Variants in NRP1 observed in about 807,000 individuals in gnomAD.
NRP1 encodes neuropilin-1.
Under a neutral mutation model 106.7 loss-of-function variants are expected in NRP1, and 35 were observed. The observed-to-expected ratio is 0.33, with a 90% CI of 0.25 to 0.43. NRP1 has a LOEUF of 0.43. Ranked by LOEUF, NRP1 falls within the 20% of genes least tolerant of loss-of-function variation. The pLI, the probability that NRP1 is intolerant of heterozygous loss-of-function variation, is 1.00. For missense variants in NRP1, 1,024 were observed against 1,170.4 expected (o/e 0.87, Z 1.83); for synonymous variants, 437 against 417.9 (o/e 1.05, Z -0.56).
intron 2 of NRP1, among the ~76,000 whole-genome samples, chr10:33,326,350 ATG>A (rs1847888615): frequency 6.6e-6 from 1 of 152,198 alleles, no homozygotes. Flanking sequence ...TGCAATGAAC[ATG>A]TGTTTCCGAA....
At chr10:33,322,793 A>G (rs1847612667) in intron 2 of NRP1, among the ~76,000 whole-genome samples, 1 of 152,232 alleles carries the variant, frequency 6.6e-6, no homozygotes. Flanking sequence ...CTTCCTCAGA[A>G]TTAGTTGGTT....
intron 8 of NRP1, among the ~76,000 whole-genome samples, chr10:33,216,820 G>A (rs748767942): frequency 2.6e-5 from 4 of 151,910 alleles, no homozygotes; most frequent in Admixed American, 6.6e-5. Context: ...TTGAGGACAC[G>A]AACTAAGTCA....
intron 11 of NRP1, among the ~76,000 whole-genome samples, chr10:33,200,079 G>T (rs1837161531): frequency 6.6e-6 from 1 of 152,194 alleles, no homozygotes; most frequent in Non-Finnish European, 1.5e-5. Context: ...ATGTATTATG[G>T]GTTAAGAAGG....
intron 1 of NRP1, among the ~76,000 whole-genome samples, chr10:33,333,561 T>C (rs1407643667): frequency 6.6e-6 from 1 of 152,242 alleles, no homozygotes; most frequent in Non-Finnish European, 1.5e-5. Context: ...TACCCTTGCC[T>C]GCACTTACTT....
chr10:33,251,517 G>A (rs1841856165), intron 6 of NRP1, among the ~76,000 whole-genome samples: 2 of 152,292 alleles, frequency 1.3e-5, no homozygotes, highest in South Asian at 4.1e-4. Flanking sequence ...CATGGCATAA[G>A]CAAGAAGAAA....
At chr10:33,218,805 T>C (rs1447920328) in intron 8 of NRP1, among the ~76,000 whole-genome samples, 1 of 151,984 alleles carries the variant, frequency 6.6e-6, no homozygotes, top group African/African-American at 2.4e-5. Context: ...CTCAGCAGGG[T>C]GAAAATTTGA....
At chr10:33,181,321 C>T (rs1016380786) in intron 16 of NRP1, among the ~76,000 whole-genome samples, 12 of 152,230 alleles carry the variant, frequency 7.9e-5, no homozygotes, top group African/African-American at 2.9e-4. Flanking sequence ...TACTCTCTCC[C>T]TTGATGAAAT....
chr10:33,253,420 T>C (rs1442962007), intron 6 of NRP1, among the ~76,000 whole-genome samples: 2 of 152,158 alleles, frequency 1.3e-5, no homozygotes, highest in Non-Finnish European at 2.9e-5. Context: ...GCATCACTAA[T>C]GAAGACACAA....
intron 2 of NRP1, among the ~76,000 whole-genome samples, chr10:33,282,467 G>T (rs921965568): frequency 6.6e-6 from 1 of 152,026 alleles, no homozygotes; most frequent in East Asian, 1.9e-4. Context: ...TTATTCAGTG[G>T]GGATCTAGGT....
chr10:33,197,485 A>T, intron 12 of NRP1, 165 bp downstream of exon 12: 1 of 481,240 alleles, frequency 2.1e-6, no homozygotes, highest in Non-Finnish European at 3.7e-6. Context: ...TGCTGCATAT[A>T]CATGTGGATG....
In NRP1 at chr10:33,254,150, G is replaced by T. The variant is rs751394461; in HGVS notation, c.859C>A (p.His287Asn). The change falls in exon 6 of 17, where the codon CAT becomes AAT. Residue 287 changes from histidine (H) to asparagine (N), a missense_variant. By Grantham distance (68) the His-to-Asn change is moderately conservative. Around this residue, in one of 5 missense-constraint regions of NRP1, gnomAD observed 562 missense variants for 620.3 expected, o/e 0.91. Transcript: ENST00000374867. The part of the protein sequence containing the change: ...EALGMESGEI[H>N]SDQITASSQY... ...GAAGAAGCTGTGATCTGGTCAGAATGAATTTCTCCTGATTCCATGCCCAGA... is the reference window on the plus strand; with the variant it reads ...GAAGAAGCTGTGATCTGGTCAGAATTAATTTCTCCTGATTCCATGCCCAGA... 10 of 1,613,476 alleles carry T rather than the reference G, an allele frequency of 6.2e-6. No individual in the cohort carries two copies. The South Asian group carries it at 1.1e-4, about 18-fold the overall frequency.
At chr10:33,321,676 A>G (rs1220995521) in intron 2 of NRP1, among the ~76,000 whole-genome samples, 3 of 152,182 alleles carry the variant, frequency 2.0e-5, no homozygotes, top group Non-Finnish European at 2.9e-5. Flanking sequence ...TGTATCTTGC[A>G]TAATAGCTGC....
chr10:33,248,898 A>C (rs1841624932), intron 6 of NRP1, among the ~76,000 whole-genome samples: 2 of 152,066 alleles, frequency 1.3e-5, no homozygotes, highest in Non-Finnish European at 2.9e-5. Context: ...AGGCATAAAT[A>C]CTCTAGTACC....
intron 2 of NRP1, among the ~76,000 whole-genome samples, chr10:33,318,674 C>T (rs1285865249): frequency 1.3e-5 from 2 of 151,718 alleles, no homozygotes; most frequent in Non-Finnish European, 2.9e-5. Flanking sequence ...AACAAAATCC[C>T]TCACTGTTTC....
chr10:33,196,168 TA>T (rs1317595665), intron 12 of NRP1, among the ~76,000 whole-genome samples: 97 of 152,256 alleles, frequency 6.4e-4, no homozygotes, highest in African/African-American at 6.7e-4. Context: ...TGTTCACTTT[TA>T]TTTTTTTTAA....
At chr10:33,288,956 TACCCTA>T (rs571463556) in intron 2 of NRP1, among the ~76,000 whole-genome samples, 140 of 152,274 alleles carry the variant, frequency 9.2e-4, no homozygotes, top group African/African-American at 3.3e-3. Flanking sequence ...TCTTCCTACT[TACCCTA>T]AATTTTTCTG....
intron 6 of NRP1, 27 bp from the exon 7 acceptor site, chr10:33,226,316 G>C: frequency 6.2e-7 from 1 of 1,612,850 alleles, no homozygotes; most frequent in East Asian, 2.2e-5. Flanking sequence ...AGCGTGGTCA[G>C]TGCACCATCC....
At position 33,221,855 on chromosome 10, in the gene NRP1, C is replaced by T. The variant is rs1219138336; in HGVS notation, c.1146G>A (p.Gln382=). The T allele has an allele frequency of 6.2e-7, 1 of 1,610,536 alleles. No individual in the cohort carries two copies. ...CAACATCTGTGGGGTTGGTGTTTCC[C>T]TGAAAGAGCTGTATGGGGAAAAAAA... The part of the protein sequence containing the change: ...IKEGNKPVLF[Q]GNTNPTDVVV... The change falls in exon 8 of 17, where the codon CAG becomes CAA. Residue 382 remains glutamine, a synonymous_variant. Coordinates refer to ENST00000374867, the MANE Select transcript of NRP1 (RefSeq NM_003873.7).
chr10:33,180,371 G>GAAAAAAAAAA lies in NRP1; in HGVS notation c.2483-7_2483-6insTTTTTTTTTT, dbSNP rs763097857. On this transcript the variant is annotated splice_region_variant and splice_polypyrimidine_tract_variant and intron_variant, in intron 16 of 16. Coordinates refer to ENST00000374867, the MANE Select transcript of NRP1 (RefSeq NM_003873.7). ...TTCGTATCCTGGCGTGCTCCCTATG[G>GAAAAAAAAAA]AAAAAAACAATATTGTCTCCGTGAG... The GAAAAAAAAAA allele has an allele frequency of 6.4e-7, 1 of 1,568,080 alleles. No homozygotes were observed. The highest frequency in any genetic ancestry group is 1.9e-5 in the Admixed American group (1 of 53,664).
Sources: gnomAD v4.1 joint callset for allele counts (sites outside exome capture counted in the v4.1 genomes callset) on GRCh38, gnomAD v4.1.1 for gene constraint, gnomAD v4.1.1 regional missense constraint, MANE v1.5 for transcripts, NCBI Gene and HGNC (gene_info 2026-07-23, HGNC 2026-07-21) for gene names.